Variants in NDUFA9 observed in about 807,000 individuals in gnomAD.
NDUFA9 encodes the protein NADH:ubiquinone oxidoreductase subunit A9, also known as NADH dehydrogenase [ubiquinone] 1 alpha subcomplex subunit 9, mitochondrial.
Under a neutral mutation model 45.9 loss-of-function variants are expected in NDUFA9, and 23 were observed. The ratio of observed to expected loss-of-function variants is 0.50; its 90% CI spans 0.36 to 0.71. NDUFA9 has a LOEUF of 0.71. Among genes scored for constraint, NDUFA9 ranks in the 30% least tolerant of loss-of-function variants. The probability of loss-of-function intolerance (pLI) is 0.00; values close to 1 mark genes in which losing one functional copy is unlikely to be tolerated. For missense variants in NDUFA9, 466 were observed against 488.2 expected, an observed-to-expected ratio of 0.95 and a Z score of 0.43; for synonymous variants, 176 against 170.5, an observed-to-expected ratio of 1.03 and a Z score of -0.25.
At chr12:4,686,829 G>A in intron 10 of NDUFA9, 109 bp from the exon 11 acceptor site, 1 of 1,021,784 alleles carries the variant, frequency 9.8e-7, no homozygotes, top group Admixed American at 2.8e-5. Flanking sequence ...AAGCAATTAA[G>A]TCTCAATAAT....
intron 1 of NDUFA9, among the ~76,000 whole-genome samples, chr12:4,651,833 TA>T (rs1945761516): frequency 6.6e-6 from 1 of 152,138 alleles, no homozygotes; most frequent in Non-Finnish European, 1.5e-5. Context: ...TGACCCTGAT[TA>T]AACAAAACTT....
At chr12:4,675,460 A>C (rs889626610) in intron 8 of NDUFA9, among the ~76,000 whole-genome samples, 1 of 152,206 alleles carries the variant, frequency 6.6e-6, no homozygotes, top group African/African-American at 2.4e-5. Context: ...AGATGCAATA[A>C]AAAATGATAA....
chr12:4,673,694 A>G (rs1310226075), intron 8 of NDUFA9, among the ~76,000 whole-genome samples: 1 of 152,242 alleles, frequency 6.6e-6, no homozygotes, highest in Admixed American at 6.5e-5. Flanking sequence ...GACCAAATCT[A>G]CATTTGGTTG....
In NDUFA9 at chr12:4,682,276, T is replaced by G. The variant is rs542579611; in HGVS notation, c.872T>G (p.Phe291Cys). 3.4e-5 allele frequency: 55 copies of G among 1,613,158 alleles called. 1 individual carries two copies. In the South Asian group the frequency reaches 5.4e-4, roughly 16 times the overall value. The change falls in exon 9 of 11, where the codon TTC (phenylalanine) becomes TGC (cysteine). Residue 291 changes from phenylalanine to cysteine, a missense_variant. Phe to Cys is a radical substitution (Grantham distance 205, BLOSUM62 -2). Transcript: ENST00000266544. ...FAVAHRLFLPFPLPLFAYRWV... is the reference protein window; with the variant it reads ...FAVAHRLFLPCPLPLFAYRWV... ...GTGGCTCACAGATTGTTCCTCCCAT[T>G]CCCCTTGCCGCTTTTTGCCTATCGG...
chr12:4,661,994 G>C (rs1184110194), intron 5 of NDUFA9, among the ~76,000 whole-genome samples: 1 of 152,154 alleles, frequency 6.6e-6, no homozygotes, highest in African/African-American at 2.4e-5. Flanking sequence ...AAGTAGAAAG[G>C]AAGACTGAAT....
chr12:4,670,245 G>A lies in NDUFA9; in HGVS notation c.800+428G>A, dbSNP rs934683380. 1.3e-4 allele frequency among the ~76,000 whole-genome samples: 20 copies of A among 152,172 alleles called. No individual in the cohort carries two copies. In the South Asian group the frequency reaches 1.5e-3, roughly 11 times the overall value. The stretch of plus-strand genomic sequence containing the variant: ...TATAGCACAATTACTAGTGCTGTGC[G>A]AGATTGATTATTTCTTTTATGCTCT... On this transcript the variant is annotated intron_variant, in intron 8 of 10. Transcript: ENST00000266544.
At chr12:4,673,532 C>T (rs1226953849) in intron 8 of NDUFA9, among the ~76,000 whole-genome samples, 2 of 152,154 alleles carry the variant, frequency 1.3e-5, no homozygotes, top group Non-Finnish European at 1.5e-5. Flanking sequence ...GTGAAGCATA[C>T]ACAAGTATCA....
At chr12:4,679,387 T>C (rs1180261009) in intron 8 of NDUFA9, among the ~76,000 whole-genome samples, 1 of 152,224 alleles carries the variant, frequency 6.6e-6, no homozygotes. Flanking sequence ...GGATGAATTT[T>C]AATGTATGTA....
chr12:4,682,186 G>A lies in NDUFA9; in HGVS notation c.801-19G>A. 2 of 1,556,488 alleles carry A rather than the reference G, an allele frequency of 1.3e-6. No homozygotes were observed. Among genetic ancestry groups the A allele is most frequent in the African/African-American group, 1.4e-5 (1 of 73,364 alleles). The stretch of plus-strand genomic sequence containing the variant: ...TGAGAAGCGTGTAATTGAAAGAACT[G>A]TGTATTGTCTTTTTATAGTCCCAGT... On this transcript the variant is annotated intron_variant, in intron 8 of 10. Coordinates refer to ENST00000266544, the MANE Select transcript of NDUFA9 (RefSeq NM_005002.5).
intron 6 of NDUFA9, among the ~76,000 whole-genome samples, chr12:4,666,108 A>G (rs1039970498): frequency 2.0e-5 from 3 of 152,128 alleles, no homozygotes; most frequent in African/African-American, 4.8e-5. Context: ...CCTGGCAACA[A>G]TGTGGTTTTG....
intron 6 of NDUFA9, among the ~76,000 whole-genome samples, chr12:4,667,017 T>C (rs1945856921): frequency 6.6e-6 from 1 of 152,188 alleles, no homozygotes; most frequent in South Asian, 2.1e-4. Context: ...AAACGTTGAG[T>C]AATTTATAAA....
At chr12:4,652,320 T>C (rs1429517811) in intron 1 of NDUFA9, among the ~76,000 whole-genome samples, 1 of 152,216 alleles carries the variant, frequency 6.6e-6, no homozygotes, top group Non-Finnish European at 1.5e-5. Flanking sequence ...TTAACTCATA[T>C]TTAAAACAAA....
At chr12:4,682,771 A>G (rs530169460) in intron 9 of NDUFA9, among the ~76,000 whole-genome samples, 12 of 152,282 alleles carry the variant, frequency 7.9e-5, no homozygotes, top group African/African-American at 2.9e-4. Context: ...TTGTGGGTTA[A>G]ATATCTTTGA....
chr12:4,663,351 G>A (rs1312394767), intron 6 of NDUFA9, among the ~76,000 whole-genome samples: 1 of 151,754 alleles, frequency 6.6e-6, no homozygotes, highest in Non-Finnish European at 1.5e-5. Context: ...CATCTGCTAT[G>A]GGCTAAATTG....
intron 9 of NDUFA9, 101 bp downstream of exon 9, chr12:4,682,401 T>G (rs1945958970): frequency 6.1e-6 from 4 of 651,596 alleles, no homozygotes. Flanking sequence ...GAAGGGCTGG[T>G]CTCCAGATCT....
rs996319162 is a variant in NDUFA9, at chr12:4,689,952, G to C, written c.*2844G>C. 5 of 153,470 alleles carry C rather than the reference G, an allele frequency of 3.3e-5. No individual in the cohort carries two copies. The highest frequency in any genetic ancestry group is 7.2e-5 in the Non-Finnish European group (5 of 69,054). The allele number at this position is 153,470 out of a possible 1,614,324, so 9.5% of individuals were successfully genotyped here. A position where few individuals can be genotyped will look rare whatever the true frequency, so the allele number is the denominator to read the frequency against. On this transcript the variant is annotated 3_prime_UTR_variant, in exon 11 of 11. Transcript: ENST00000266544. ...CGCCCCCCACACAAACACTGAAGCC[G>C]TAGCATTGACTAAGGAAACAATTTT... is the stretch of plus-strand genomic sequence containing the variant.
At chr12:4,658,547 CG>C (rs1358176935) in intron 4 of NDUFA9, among the ~76,000 whole-genome samples, 1 of 151,994 alleles carries the variant, frequency 6.6e-6, no homozygotes, top group East Asian at 1.9e-4. Context: ...AACAAAGTCC[CG>C]GGGTAAGAAG....
At chr12:4,662,382 T>G in intron 5 of NDUFA9, 151 bp from the exon 6 acceptor site, 1 of 607,612 alleles carries the variant, frequency 1.6e-6, no homozygotes, top group Non-Finnish European at 2.9e-6. Flanking sequence ...TTAAAAGTTC[T>G]GTGTAACTGA....
intron 9 of NDUFA9, among the ~76,000 whole-genome samples, chr12:4,683,021 C>A (rs553966978): frequency 6.6e-6 from 1 of 152,158 alleles, no homozygotes; most frequent in East Asian, 1.9e-4. Flanking sequence ...TTCCAGTGAG[C>A]TGAGATTGTG....
Sources: allele counts gnomAD v4.1 joint callset (sites outside exome capture counted in the v4.1 genomes callset), GRCh38; gene constraint gnomAD v4.1.1; transcripts MANE v1.5; gene names NCBI Gene and HGNC (gene_info 2026-07-23, HGNC 2026-07-21).